NXN: variants seen among roughly 807,000 people sequenced by gnomAD.
NXN encodes nucleoredoxin.
In NXN, 16 loss-of-function variants were observed where a neutral mutation model predicts 48.6. The ratio of observed to expected loss-of-function variants is 0.33; its 90% confidence interval spans 0.22 to 0.50. The LOEUF (loss-of-function observed/expected upper bound fraction) is 0.50. Among genes scored for constraint, NXN ranks in the 20% least tolerant of loss-of-function variants. The pLI is 0.98. For synonymous variants in NXN, 281 were observed against 269.6 expected, an observed-to-expected ratio of 1.04 and a Z score of -0.41; for missense variants, 492 against 605.5, an observed-to-expected ratio of 0.81 and a Z score of 1.97.
chr17:979,268 G>GGGAACGGGC (rs2069505793), intron 1 of NXN, 51 bp downstream of exon 1: 1 of 1,306,800 alleles, frequency 7.7e-7, no homozygotes, highest in Non-Finnish European at 9.9e-7. Context: ...GGCGGGCAGG[G>GGGAACGGGC]GTAACGGGCG....
intron 1 of NXN, among the ~76,000 whole-genome samples, chr17:829,805 T>C (rs9905546): frequency 0.022 from 3,342 of 152,272 alleles, 103 homozygotes; most frequent in African/African-American, 0.076. Flanking sequence ...ATGAACTCAT[T>C]CTTTTTTATG....
chr17:858,466 G>A (rs1023414686), intron 1 of NXN, among the ~76,000 whole-genome samples: 1 of 151,976 alleles, frequency 6.6e-6, no homozygotes, highest in African/African-American at 2.4e-5. Flanking sequence ...GGTGGCTCAC[G>A]CCTGTAATCT....
intron 1 of NXN, among the ~76,000 whole-genome samples, chr17:972,061 G>C (rs945777789): frequency 2.0e-5 from 3 of 152,192 alleles, no homozygotes; most frequent in African/African-American, 7.2e-5. Flanking sequence ...AGCACTTTGG[G>C]AGGCCAAGGC....
chr17:873,280 TGAGATC>T (rs1330909797), intron 1 of NXN, among the ~76,000 whole-genome samples: 1 of 151,872 alleles, frequency 6.6e-6, no homozygotes, highest in African/African-American at 2.4e-5. Context: ...GTGGATCACT[TGAGATC>T]AGGAGTTCGA....
chr17:847,043 G>A (rs574004890), intron 1 of NXN, among the ~76,000 whole-genome samples: 15 of 152,168 alleles, frequency 9.9e-5, no homozygotes, highest in African/African-American at 3.1e-4. Flanking sequence ...ATTCCAAGTC[G>A]GCAGGGTGAG....
chr17:953,940 A>T (rs974232228), intron 1 of NXN, among the ~76,000 whole-genome samples: 3 of 152,224 alleles, frequency 2.0e-5, no homozygotes, highest in Admixed American at 1.3e-4. Context: ...ATGATGGTGC[A>T]TGCACGTGGT....
intron 1 of NXN, among the ~76,000 whole-genome samples, chr17:913,233 G>A (rs929476076): frequency 2.0e-5 from 3 of 152,044 alleles, no homozygotes; most frequent in Non-Finnish European, 4.4e-5. Flanking sequence ...AATCCTTCCC[G>A]ATTTTGTAAA....
At chr17:848,094 G>A (rs992735894) in intron 1 of NXN, among the ~76,000 whole-genome samples, 4 of 151,994 alleles carry the variant, frequency 2.6e-5, no homozygotes, top group African/African-American at 7.2e-5. Context: ...TCAGGAGGAC[G>A]TCAACCCCTG....
At chr17:904,753 A>T (rs2068568116) in intron 1 of NXN, among the ~76,000 whole-genome samples, 1 of 152,176 alleles carries the variant, frequency 6.6e-6, no homozygotes, top group Admixed American at 6.5e-5. Flanking sequence ...CATCTTGGCC[A>T]GGCTGGTCTC....
rs189034374 is a variant in NXN at position 827,875 on chromosome 17, G to A, written c.361-1797C>T. Among the ~76,000 whole-genome samples, 36 of 152,288 alleles carry A rather than the reference G, an allele frequency of 2.4e-4. No homozygotes were observed. The East Asian group carries it at 6.8e-3, about 29-fold the overall frequency. ...TTGGTGGTGGGATGAGGATTGTCCC[G>A]AGTTCCATCCGAAGCGGTGAGGGGC... On this transcript the variant is annotated intron_variant, in intron 1 of 7. Transcript: ENST00000336868.
At chr17:827,533 G>T (rs1354773622) in intron 1 of NXN, among the ~76,000 whole-genome samples, 1 of 152,228 alleles carries the variant, frequency 6.6e-6, no homozygotes, top group Non-Finnish European at 1.5e-5. Flanking sequence ...TGAGGCAGGA[G>T]AATGGCGTGA....
At chr17:812,344 G>T (rs557562788) in intron 5 of NXN, among the ~76,000 whole-genome samples, 8 of 152,338 alleles carry the variant, frequency 5.3e-5, no homozygotes, top group Admixed American at 3.9e-4. Context: ...CAGGCCAGGT[G>T]GAGGCGGCTC....
intron 1 of NXN, among the ~76,000 whole-genome samples, chr17:913,892 T>G (rs1200230967): frequency 5.3e-5 from 8 of 152,200 alleles, no homozygotes; most frequent in African/African-American, 1.9e-4. Context: ...ATTTTTATTT[T>G]ATTATTTATT....
intron 1 of NXN, among the ~76,000 whole-genome samples, chr17:847,577 A>C (rs1319613335): frequency 6.6e-6 from 1 of 152,158 alleles, no homozygotes; most frequent in Non-Finnish European, 1.5e-5. Context: ...CCCCACTGCC[A>C]CGGACCAGCC....
At chr17:809,825 C>T (rs1332400193) in intron 5 of NXN, among the ~76,000 whole-genome samples, 2 of 152,092 alleles carry the variant, frequency 1.3e-5, no homozygotes, top group Admixed American at 6.5e-5. Context: ...GTGTGAGCGG[C>T]GGGCACCTTA....
At chr17:925,865 C>T (rs974731045) in intron 1 of NXN, among the ~76,000 whole-genome samples, 1 of 152,184 alleles carries the variant, frequency 6.6e-6, no homozygotes, top group African/African-American at 2.4e-5. Context: ...GCTCCCAGCA[C>T]AGCAAAAAGT....
intron 5 of NXN, among the ~76,000 whole-genome samples, chr17:816,400 G>A (rs1272665529): frequency 1.3e-5 from 2 of 151,952 alleles, no homozygotes; most frequent in East Asian, 3.9e-4. Flanking sequence ...ATCCTGTGAC[G>A]TTGCAGCCAA....
chr17:872,448 AAGAG>A (rs2068166403), intron 1 of NXN, among the ~76,000 whole-genome samples: 2 of 151,668 alleles, frequency 1.3e-5, no homozygotes, highest in African/African-American at 2.4e-5. Context: ...CAAGGAGAGA[AAGAG>A]AGAAACACAT....
chr17:888,399 T>C (rs1375220636), intron 1 of NXN, among the ~76,000 whole-genome samples: 1 of 151,850 alleles, frequency 6.6e-6, no homozygotes, highest in Non-Finnish European at 1.5e-5. Context: ...TTAAAATCAT[T>C]CTGTAGAGAT....
Sources: allele counts gnomAD v4.1 joint callset (sites outside exome capture counted in the v4.1 genomes callset), GRCh38; gene constraint gnomAD v4.1.1; transcripts MANE v1.5; gene names NCBI Gene and HGNC (gene_info 2026-07-23, HGNC 2026-07-21).